The following ATG10 variants were observed in gnomAD, a reference collection of about 807,000 sequenced individuals.
The protein encoded by ATG10 is autophagy related 10.
A neutral mutation model predicts 32.1 loss-of-function variants in ATG10; 30 were observed. The observed-to-expected ratio is 0.94, with a 90% CI of 0.70 to 1.27. ATG10 has a LOEUF of 1.27. Among genes scored for constraint, ATG10 ranks in the 50% most tolerant of loss-of-function variants. ATG10 has a pLI of 0.00. For missense variants in ATG10, 233 were observed against 262.3 expected (o/e 0.89, Z 0.77); for synonymous variants, 87 against 91.5 (o/e 0.95, Z 0.28).
At chr5:81,981,381 C>T (rs2149656593) in intron 1 of ATG10, among the ~76,000 whole-genome samples, 1 of 152,306 alleles carries the variant, frequency 6.6e-6, no homozygotes, top group Non-Finnish European at 1.5e-5. Flanking sequence ...TCTTTGCTGT[C>T]TAAAATTTGA....
At chr5:82,181,101 A>G (rs1744215901) in intron 5 of ATG10, among the ~76,000 whole-genome samples, 1 of 152,124 alleles carries the variant, frequency 6.6e-6, no homozygotes, top group Non-Finnish European at 1.5e-5. Context: ...GTAGTACGGT[A>G]TTACAGATCA....
intron 3 of ATG10, among the ~76,000 whole-genome samples, chr5:82,117,579 G>A (rs1765858448): frequency 6.6e-6 from 1 of 152,124 alleles, no homozygotes. Flanking sequence ...CACTCTCAAA[G>A]TACACTATTC....
intron 2 of ATG10, among the ~76,000 whole-genome samples, chr5:82,005,162 A>G (rs1431690767): frequency 2.6e-5 from 4 of 152,178 alleles, no homozygotes; most frequent in Non-Finnish European, 2.9e-5. Context: ...TGTGTTGAAT[A>G]TGGATGATGT....
chr5:81,990,074 A>AT, intron 2 of ATG10, among the ~76,000 whole-genome samples: 1 of 152,132 alleles, frequency 6.6e-6, no homozygotes, highest in South Asian at 2.1e-4. Context: ...TAAGAGGTTT[A>AT]TTTTTTATTG....
chr5:82,245,132 G>C (rs1456697090), intron 5 of ATG10, among the ~76,000 whole-genome samples: 1 of 152,104 alleles, frequency 6.6e-6, no homozygotes, highest in Non-Finnish European at 1.5e-5. Context: ...CAATAGTTTT[G>C]ATGTTCTTCC....
At chr5:82,226,436 C>G (rs1258831680) in intron 5 of ATG10, among the ~76,000 whole-genome samples, 2 of 152,038 alleles carry the variant, frequency 1.3e-5, no homozygotes, top group Admixed American at 6.5e-5. Flanking sequence ...ACCCATTACT[C>G]AGTTCAGTCT....
At chr5:82,030,076 G>A (rs894458744) in intron 2 of ATG10, among the ~76,000 whole-genome samples, 3 of 152,120 alleles carry the variant, frequency 2.0e-5, no homozygotes, top group African/African-American at 7.2e-5. Flanking sequence ...TCTCAAGGCA[G>A]GCTGTTCTTA....
At chr5:82,064,576 C>T (rs1763882273) in intron 3 of ATG10, among the ~76,000 whole-genome samples, 1 of 152,046 alleles carries the variant, frequency 6.6e-6, no homozygotes. Flanking sequence ...TTTATGCCAG[C>T]ATTAATGCCT....
intron 2 of ATG10, among the ~76,000 whole-genome samples, chr5:82,005,763 C>T (rs185488600): frequency 2.4e-4 from 36 of 152,234 alleles, no homozygotes; most frequent in Non-Finnish European, 4.6e-4. Context: ...CAGCTTCCTT[C>T]TCTCACTTTT....
intron 3 of ATG10, among the ~76,000 whole-genome samples, chr5:82,144,619 T>C (rs1348240139): frequency 6.6e-6 from 1 of 151,976 alleles, no homozygotes; most frequent in Non-Finnish European, 1.5e-5. Flanking sequence ...AGGGTTTTTC[T>C]AAATATCTTA....
At chr5:82,132,068 C>G (rs974609971) in intron 3 of ATG10, among the ~76,000 whole-genome samples, 14 of 152,052 alleles carry the variant, frequency 9.2e-5, no homozygotes, top group Non-Finnish European at 1.6e-4. Context: ...TGCCCATGAT[C>G]CAAATACCTA....
chr5:82,231,064 GC>G (rs1465913964), intron 5 of ATG10, among the ~76,000 whole-genome samples: 1 of 152,162 alleles, frequency 6.6e-6, no homozygotes, highest in Admixed American at 6.5e-5. Context: ...GGCCTGAAGA[GC>G]CACTGGGGAG....
chr5:82,018,411 TCTGA>T (rs1762344378), intron 2 of ATG10, among the ~76,000 whole-genome samples: 1 of 152,206 alleles, frequency 6.6e-6, no homozygotes, highest in South Asian at 2.1e-4. Context: ...TTCCTAATGA[TCTGA>T]CTGTTTTCAC....
chr5:82,082,227 C>A (rs1011835028), intron 3 of ATG10, among the ~76,000 whole-genome samples: 18 of 152,166 alleles, frequency 1.2e-4, no homozygotes, highest in Non-Finnish European at 1.0e-4. Flanking sequence ...GCCCTCTAAA[C>A]ATCTGTCATA....
chr5:82,019,705 A>G (rs1403348329), intron 2 of ATG10, among the ~76,000 whole-genome samples: 1 of 152,020 alleles, frequency 6.6e-6, no homozygotes, highest in Non-Finnish European at 1.5e-5. Flanking sequence ...GTACCTACAG[A>G]TGGGGAGGGA....
At chr5:82,159,389 A>G (rs1204383798) in intron 3 of ATG10, among the ~76,000 whole-genome samples, 1 of 152,160 alleles carries the variant, frequency 6.6e-6, no homozygotes, top group Non-Finnish European at 1.5e-5. Context: ...AACTCTGGAT[A>G]AGTGGGAGCT....
At chr5:82,225,727 T>C (rs923078987) in intron 5 of ATG10, among the ~76,000 whole-genome samples, 84 of 152,122 alleles carry the variant, frequency 5.5e-4, no homozygotes, top group Non-Finnish European at 1.1e-3. Flanking sequence ...AGTGTCTCTG[T>C]GCCTACCGGG....
chr5:81,975,481 G>C (rs1454828454), intron 1 of ATG10, among the ~76,000 whole-genome samples: 1 of 152,266 alleles, frequency 6.6e-6, no homozygotes, highest in East Asian at 1.9e-4. Flanking sequence ...AGGAGTTTGA[G>C]ACCAGCCTTG....
At chr5:82,224,572 A>G (rs577827622) in intron 5 of ATG10, among the ~76,000 whole-genome samples, 1 of 152,192 alleles carries the variant, frequency 6.6e-6, no homozygotes, top group Non-Finnish European at 1.5e-5. Flanking sequence ...TAGAGGCTCT[A>G]AAACAAAGGA....
Sources: allele counts gnomAD v4.1 joint callset (sites outside exome capture counted in the v4.1 genomes callset), GRCh38; gene constraint gnomAD v4.1.1; transcripts MANE v1.5; gene names NCBI Gene and HGNC (gene_info 2026-07-23, HGNC 2026-07-21).